ZNF816: variants seen among roughly 807,000 people sequenced by gnomAD.
The protein encoded by ZNF816 is zinc finger protein 816A.
ZNF816 carries 11 observed loss-of-function variants against 8.3 expected under a neutral mutation model. The ratio of observed to expected loss-of-function variants is 1.32; its 90% confidence interval spans 0.83 to 2.19. ZNF816 has a LOEUF of 2.19. Ranked by LOEUF, ZNF816 falls within the 30% of genes most tolerant of loss-of-function variation. The probability of loss-of-function intolerance (pLI) is 0.00; values close to 1 mark genes in which losing one functional copy is unlikely to be tolerated. For missense variants in ZNF816, 710 were observed against 779.3 expected, an observed-to-expected ratio of 0.91 and a Z score of 1.06; for synonymous variants, 255 against 254.5, an observed-to-expected ratio of 1.00 and a Z score of -0.02.
chr19:52,951,897 T>C, intron 3 of ZNF816: 1 of 412,950 alleles, frequency 2.4e-6, no homozygotes, highest in Non-Finnish European at 4.2e-6. Flanking sequence ...AAATTCTGTG[T>C]AGAAAAAAAA....
In ZNF816 at chr19:52,950,201, T is replaced by G. The variant is rs774945904; in HGVS notation, c.1574A>C (p.Glu525Ala). The G allele has an allele frequency of 3.1e-5, 50 of 1,613,794 alleles. 1 individual carries two copies. The South Asian group carries it at 5.5e-4, about 18-fold the overall frequency. ...DKVFSRRSHL[E>A]RHRRIHTGEK... is the part of the protein sequence containing the mutation. ...CCCAGTATGAATTCTCCTATGTCTTTCAAGGTGTGATCTGCGACTGAAAAC... is the reference window on the plus strand; with the variant it reads ...CCCAGTATGAATTCTCCTATGTCTTGCAAGGTGTGATCTGCGACTGAAAAC... Residue 525 changes from glutamate to alanine, a missense_variant, in exon 4 of 4, where the codon GAA becomes GCA. Glu to Ala is a moderately radical substitution (Grantham distance 107). Coordinates refer to ENST00000444460, the MANE Select transcript of ZNF816 (RefSeq NM_001202457.3).
chr19:52,959,413 C>T lies in ZNF816; in HGVS notation c.-15-3309G>A, dbSNP rs1487092378. Among the ~76,000 whole-genome samples, 3 of 152,188 alleles carry T rather than the reference C, an allele frequency of 2.0e-5. No homozygotes were observed. The East Asian group carries it at 5.8e-4, about 29-fold the overall frequency. ...ACTCAGTTTACTTTAGCAGGCTTGA[C>T]CTTTGAGACCAGCCTTGGGCATCAG... On this transcript the variant is annotated intron_variant, in intron 1 of 3. Coordinates refer to ENST00000444460, the MANE Select transcript of ZNF816 (RefSeq NM_001202457.3).
chr19:52,953,298 C>G, intron 2 of ZNF816: 1 of 324,936 alleles, frequency 3.1e-6, no homozygotes, highest in Non-Finnish European at 6.2e-6. Context: ...GAGGCTGATG[C>G]ACGAGAATAA....
chr19:52,949,774 T>C lies in ZNF816; in HGVS notation c.*45A>G, dbSNP rs753180907. 2 of 1,610,530 alleles carry C rather than the reference T, an allele frequency of 1.2e-6. No individual in the cohort carries two copies. Among genetic ancestry groups the C allele is most frequent in the South Asian group, 1.1e-5 (1 of 90,730 alleles). On this transcript the variant is annotated 3_prime_UTR_variant, in exon 4 of 4. Transcript: ENST00000444460. ...TCTCTCTTCAATATGGATTCTGTAA[T>C]GATTTGCAATGGTTGTAGCATTACT...
chr19:52,951,562 C>T lies in ZNF816; in HGVS notation c.213G>A (p.Met71Ile). The change falls in exon 4 of 4, where the codon ATG (methionine) becomes ATA (isoleucine). Residue 71 changes from methionine (M) to isoleucine (I), a missense_variant. Coordinates refer to ENST00000444460, the MANE Select transcript of ZNF816 (RefSeq NM_001202457.3). The stretch of plus-strand genomic sequence containing the variant: ...TACTGTGCCTGGTTGATGAGAACTC[C>T]ATCATGGATTTTAAAGAGCTATCTA... ...EFVDSSLKSM[M>I]EFSSTRHSIT... The T allele has an allele frequency of 8.4e-6, 13 of 1,553,528 alleles. No individual in the cohort carries two copies. The highest frequency in any genetic ancestry group is 1.1e-5 in the Non-Finnish European group (13 of 1,154,446).
Position 52,949,805 on chromosome 19 carries a change from CT to C in ZNF816, c.*13del. On this transcript the variant is annotated 3_prime_UTR_variant, in exon 4 of 4. Coordinates refer to ENST00000444460, the MANE Select transcript of ZNF816 (RefSeq NM_001202457.3). ...GCAATGGTTGTAGCATTACTGAAGA[CT>C]TTGTGACAATCATTACATTTGTAAA... 1 of 1,613,274 alleles carries C rather than the reference CT, an allele frequency of 6.2e-7. No homozygotes were observed. Among genetic ancestry groups the C allele is most frequent in the South Asian group, 1.1e-5 (1 of 91,046 alleles).
At position 52,950,480 on chromosome 19, in the gene ZNF816, T is replaced by C. The variant is rs201507612; in HGVS notation, c.1295A>G (p.Lys432Arg). 4.3e-6 allele frequency: 7 copies of C among 1,613,920 alleles called. No individual in the cohort carries two copies. Among genetic ancestry groups the C allele is most frequent in the Non-Finnish European group, 5.1e-6 (6 of 1,180,028 alleles). Residue 432 changes from lysine to arginine, a missense_variant, in exon 4 of 4, where the codon AAG (lysine) becomes AGG (arginine). Physicochemically the swap from Lys to Arg is conservative, Grantham distance 26. Transcript: ENST00000444460. ...EGSYKCKVCD[K>R]VFRSDSYLAE... is the part of the protein sequence containing the mutation. Reference sequence around the variant, plus strand: ...AAGGTATGAATCACTCCGGAAAACCTTGTCACAAACCTTACATTTGTATGA... The same window carrying C: ...AAGGTATGAATCACTCCGGAAAACCCTGTCACAAACCTTACATTTGTATGA...
Position 52,950,243 on chromosome 19 carries a change from C to T in ZNF816, c.1532G>A (p.Cys511Tyr). ...ACTGAAAACTTTGTCACATTCTTCACATTTGTAAGGTTTCTCTCCAGCATG... is the reference window on the plus strand; with the variant it reads ...ACTGAAAACTTTGTCACATTCTTCATATTTGTAAGGTTTCTCTCCAGCATG... ...RLHAGEKPYKCEECDKVFSRR... is the reference protein window; with the variant it reads ...RLHAGEKPYKYEECDKVFSRR... Residue 511 changes from cysteine to tyrosine, a missense_variant, in exon 4 of 4, where the codon TGT (cysteine) becomes TAT (tyrosine). By Grantham distance (194) the Cys-to-Tyr change is radical. Transcript: ENST00000444460. 2 of 1,613,682 alleles carry T rather than the reference C, an allele frequency of 1.2e-6. No individual in the cohort carries two copies. The highest frequency in any genetic ancestry group is 1.7e-6 in the Non-Finnish European group (2 of 1,179,934).
At chr19:52,959,305 T>C (rs2122171123) in intron 1 of ZNF816, among the ~76,000 whole-genome samples, 1 of 152,352 alleles carries the variant, frequency 6.6e-6, no homozygotes, top group East Asian at 1.9e-4. Flanking sequence ...ACATAACCAT[T>C]GAAGTTTGTA....
Position 52,951,290 on chromosome 19 carries a change from G to C in ZNF816, c.485C>G (p.Ser162Trp), listed in dbSNP as rs11084210. 719 of 1,614,100 alleles carry C rather than the reference G, an allele frequency of 4.5e-4. 3 individuals are homozygous for C. The African/African-American group carries it at 8.3e-3, about 19-fold the overall frequency. The change falls in exon 4 of 4, where the codon TCG (serine) becomes TGG (tryptophan). Residue 162 changes from serine (S) to tryptophan (W), a missense_variant. Transcript: ENST00000444460. ...IKDQLGLSFH[S>W]HLPELHMFQT... ...AAACATGTGGAGTTCAGGCAGATGC[G>C]AATGAAAGCTTAATCCAAGCTGATC...
At position 52,955,990 on chromosome 19, in the gene ZNF816, A is replaced by T. The variant is rs746834582; in HGVS notation, c.63+37T>A. The T allele has an allele frequency of 2.5e-6, 4 of 1,587,954 alleles. No individual in the cohort carries two copies. The South Asian group carries it at 4.5e-5, about 18-fold the overall frequency. ...TACAATACCTGGCACTTCAGAAAGGAAAGAGACAGAAGAATCCACCAAGGA... is the reference window on the plus strand; with the variant it reads ...TACAATACCTGGCACTTCAGAAAGGTAAGAGACAGAAGAATCCACCAAGGA... On this transcript the variant is annotated intron_variant, in intron 2 of 3. Transcript: ENST00000444460.
rs745800052 is a variant in ZNF816 at position 52,950,169 on chromosome 19, G to GT, written c.1605dup (p.Pro536ThrfsTer5). The GT allele has an allele frequency of 1.9e-5, 31 of 1,611,286 alleles. No individual in the cohort carries two copies. The highest frequency in any genetic ancestry group is 1.7e-4 in the Middle Eastern group (1 of 6,038). ...TTGTCACAAACCTTACATTTGTATG[G>GT]TTTTTCCCCAGTATGAATTCTCCTA... On this transcript the variant is annotated frameshift_variant, in exon 4 of 4. Transcript: ENST00000444460. LOFTEE classifies it low-confidence loss of function (END_TRUNC).
chr19:52,960,949 G>A (rs1207884198), intron 1 of ZNF816, among the ~76,000 whole-genome samples: 2 of 152,172 alleles, frequency 1.3e-5, no homozygotes, highest in East Asian at 3.8e-4. Flanking sequence ...CTCATCGTGG[G>A]ACTCATTCTT....
chr19:52,960,222 G>A, intron 1 of ZNF816: 2 of 273,762 alleles, frequency 7.3e-6, no homozygotes, highest in Non-Finnish European at 1.4e-5. Flanking sequence ...ATTCTGCCCG[G>A]CATACAAGCT....
At chr19:52,960,794 A>C (rs570514653) in intron 1 of ZNF816, among the ~76,000 whole-genome samples, 1 of 152,284 alleles carries the variant, frequency 6.6e-6, no homozygotes, top group South Asian at 2.1e-4. Context: ...CACCACAGCC[A>C]TATAAAACCT....
chr19:52,955,539 C>CAA, intron 2 of ZNF816, among the ~76,000 whole-genome samples: 1 of 152,138 alleles, frequency 6.6e-6, no homozygotes, highest in Non-Finnish European at 1.5e-5. Flanking sequence ...AAAAGTTTGG[C>CAA]GTCAGAGACA....
chr19:52,956,177 CAG>C (rs2083508771), intron 1 of ZNF816, 73 bp from the exon 2 acceptor site: 6 of 1,496,326 alleles, frequency 4.0e-6, no homozygotes, highest in East Asian at 2.3e-5. Context: ...AACACACACA[CAG>C]GGGAAACCTC....
In ZNF816 at chr19:52,950,281, A is replaced by G. The variant is rs557986120; in HGVS notation, c.1494T>C (p.Arg498=). 214 of 1,610,908 alleles carry G rather than the reference A, an allele frequency of 1.3e-4. 1 individual carries two copies. In the South Asian group the frequency reaches 1.7e-3, roughly 13 times the overall value. The change falls in exon 4 of 4, where the codon CGT becomes CGC. Residue 498 remains arginine (R), a synonymous_variant. Transcript: ENST00000444460. The stretch of plus-strand genomic sequence containing the variant: ...TCTCTCCAGCATGAAGTCTATGATG[A>G]CGTGCAAGGTTTTCTCTTCGACTAA... ...KVFSRRENLA[R]HHRLHAGEKP... is the part of the protein sequence containing the mutation.
chr19:52,955,258 T>A (rs2083500032), intron 2 of ZNF816, among the ~76,000 whole-genome samples: 1 of 152,232 alleles, frequency 6.6e-6, no homozygotes, highest in Admixed American at 6.5e-5. Flanking sequence ...AAGAATCCCC[T>A]GCAGTTAGAT....
Sources: allele counts gnomAD v4.1 joint callset (sites outside exome capture counted in the v4.1 genomes callset), GRCh38; gene constraint gnomAD v4.1.1; transcripts MANE v1.5; gene names NCBI Gene and HGNC (gene_info 2026-07-23, HGNC 2026-07-21).